SPTLC2: variants seen among roughly 807,000 people sequenced by gnomAD.
SPTLC2 encodes the protein serine palmitoyltransferase long chain base subunit 2.
SPTLC2 carries 21 observed loss-of-function variants against 62.0 expected under a neutral mutation model. The ratio of observed to expected loss-of-function variants is 0.34; its 90% CI spans 0.24 to 0.49. The LOEUF (loss-of-function observed/expected upper bound fraction) is 0.49. Among genes scored for constraint, SPTLC2 ranks in the 20% least tolerant of loss-of-function variants. The probability of loss-of-function intolerance (pLI) is 0.99; values close to 1 mark genes in which losing one functional copy is unlikely to be tolerated. For missense variants in SPTLC2, 511 were observed against 713.0 expected (o/e 0.72, Z 3.23); for synonymous variants, 261 against 261.8 (o/e 1.00, Z 0.03).
At chr14:77,540,925 T>A (rs1323203584) in intron 9 of SPTLC2, among the ~76,000 whole-genome samples, 1 of 152,232 alleles carries the variant, frequency 6.6e-6, no homozygotes, top group Non-Finnish European at 1.5e-5. Flanking sequence ...CCATATATAA[T>A]CTGTTCACAG....
chr14:77,555,540 A>G lies in SPTLC2; in HGVS notation c.957-21T>C, dbSNP rs372243399. ...CCATGCTGGCAAAACATGAAAAAAT[A>G]TATATATACACATATACACTGAGAC... On this transcript the variant is annotated intron_variant, in intron 7 of 11. Coordinates refer to ENST00000216484, the MANE Select transcript of SPTLC2 (RefSeq NM_004863.4). 4 of 1,608,608 alleles carry G rather than the reference A, an allele frequency of 2.5e-6. No homozygotes were observed. In the African/African-American group the frequency reaches 4.0e-5, roughly 16 times the overall value.
At position 77,568,757 on chromosome 14, in the gene SPTLC2, G is replaced by A. The variant is rs184568832; in HGVS notation, c.756+1627C>T. 7.6e-3 allele frequency among the ~76,000 whole-genome samples: 1,060 copies of A among 138,946 alleles called. 10 individuals are homozygous for A. The highest frequency in any genetic ancestry group is 0.027 in the African/African-American group (1,007 of 37,308). 91.2% of individuals were successfully genotyped at this position (138,946 alleles called of 152,430 possible). A position where few individuals can be genotyped will look rare whatever the true frequency, so the allele number is the denominator to read the frequency against. ...CGGGAGGCAGAGCTTGCAGTGAGCC[G>A]AAATCACACCACTGCACTCCAGCCT... On this transcript the variant is annotated intron_variant, in intron 5 of 11. Coordinates refer to ENST00000216484, the MANE Select transcript of SPTLC2 (RefSeq NM_004863.4).
chr14:77,556,453 C>T (rs761943766), intron 7 of SPTLC2, among the ~76,000 whole-genome samples: 14 of 152,162 alleles, frequency 9.2e-5, no homozygotes, highest in Non-Finnish European at 1.5e-4. Flanking sequence ...CTTTGCATCA[C>T]GTTGCACAGG....
chr14:77,616,015 G>T (rs538122836), intron 1 of SPTLC2, among the ~76,000 whole-genome samples: 1 of 152,316 alleles, frequency 6.6e-6, no homozygotes, highest in East Asian at 1.9e-4. Context: ...GCTTCTTAAG[G>T]ACCCCATGGG....
At chr14:77,529,764 A>G (rs1401091768) in intron 9 of SPTLC2, among the ~76,000 whole-genome samples, 1 of 151,606 alleles carries the variant, frequency 6.6e-6, no homozygotes, top group Non-Finnish European at 1.5e-5. Flanking sequence ...CTGGGATTAC[A>G]GATGTGCGCC....
intron 2 of SPTLC2, among the ~76,000 whole-genome samples, chr14:77,579,751 C>A (rs997659578): frequency 1.3e-5 from 2 of 152,004 alleles, no homozygotes; most frequent in African/African-American, 4.8e-5. Flanking sequence ...ACAAAAAAAA[C>A]CCTGATGTAT....
chr14:77,566,525 G>A (rs1467615365), intron 5 of SPTLC2, among the ~76,000 whole-genome samples: 1 of 152,172 alleles, frequency 6.6e-6, no homozygotes, highest in Non-Finnish European at 1.5e-5. Context: ...GAGTGCATCG[G>A]CGCAATCTCG....
At chr14:77,544,321 G>A (rs2079517300) in intron 9 of SPTLC2, among the ~76,000 whole-genome samples, 1 of 152,120 alleles carries the variant, frequency 6.6e-6, no homozygotes, top group African/African-American at 2.4e-5. Context: ...TCCAGCCTAA[G>A]GTTTTCTTTT....
At chr14:77,531,794 G>A (rs1003341294) in intron 9 of SPTLC2, among the ~76,000 whole-genome samples, 14 of 152,136 alleles carry the variant, frequency 9.2e-5, no homozygotes, top group Admixed American at 9.2e-4. Flanking sequence ...TTACAGGCGT[G>A]AGCCACTGCA....
At chr14:77,552,514 T>A (rs868185312) in intron 8 of SPTLC2, among the ~76,000 whole-genome samples, 1 of 152,052 alleles carries the variant, frequency 6.6e-6, no homozygotes, top group South Asian at 2.1e-4. Context: ...TCATTTAAAG[T>A]TAGAAATATG....
chr14:77,562,821 G>A (rs946082939), intron 5 of SPTLC2, among the ~76,000 whole-genome samples: 2 of 152,120 alleles, frequency 1.3e-5, no homozygotes, highest in African/African-American at 4.8e-5. Context: ...CTTTACGTGA[G>A]AGAATTCCAT....
In SPTLC2 at chr14:77,550,841, T is replaced by C. The variant is rs532769836; in HGVS notation, c.1303+1255A>G. Among the ~76,000 whole-genome samples, 700 of 150,570 alleles carry C rather than the reference T, an allele frequency of 4.6e-3. 7 individuals carry two copies. The highest frequency in any genetic ancestry group is 0.016 in the African/African-American group (673 of 40,960). ...ATCATGTGAACCTGGGAAGCGGAGGTTGCTGTGAGCTGAGATCGCACCACT... is the reference window on the plus strand; with the variant it reads ...ATCATGTGAACCTGGGAAGCGGAGGCTGCTGTGAGCTGAGATCGCACCACT... On this transcript the variant is annotated intron_variant, in intron 9 of 11. Transcript: ENST00000216484.
chr14:77,603,690 T>C (rs998210077), intron 1 of SPTLC2, among the ~76,000 whole-genome samples: 1 of 152,316 alleles, frequency 6.6e-6, no homozygotes, highest in South Asian at 2.1e-4. Flanking sequence ...CATTTATATT[T>C]TGACATTACC....
intron 9 of SPTLC2, among the ~76,000 whole-genome samples, chr14:77,529,197 A>G (rs2079423757): frequency 6.6e-6 from 1 of 151,194 alleles, no homozygotes; most frequent in African/African-American, 2.4e-5. Flanking sequence ...GGATTATACT[A>G]TAGAGAGAGA....
intron 2 of SPTLC2, among the ~76,000 whole-genome samples, chr14:77,589,224 G>T (rs2079801190): frequency 6.6e-6 from 1 of 151,904 alleles, no homozygotes; most frequent in East Asian, 1.9e-4. Flanking sequence ...TGTTCATATA[G>T]GTCATACCAC....
intron 5 of SPTLC2, among the ~76,000 whole-genome samples, chr14:77,564,278 GAGGAGGAAA>G (rs1243973941): frequency 7.3e-6 from 1 of 136,720 alleles, no homozygotes; most frequent in Non-Finnish European, 1.6e-5. Flanking sequence ...AGAGGAGGAA[GAGGAGGAAA>G]AGGAGGAAGA....
chr14:77,589,070 A>AT (rs2079800419), intron 2 of SPTLC2, among the ~76,000 whole-genome samples: 2 of 151,646 alleles, frequency 1.3e-5, no homozygotes, highest in African/African-American at 4.8e-5. Flanking sequence ...GGAAAGCATT[A>AT]TAAATTCTAA....
intron 10 of SPTLC2, 95 bp downstream of exon 10, chr14:77,521,351 C>A: frequency 6.6e-7 from 1 of 1,514,864 alleles, no homozygotes; most frequent in Non-Finnish European, 9.2e-7. Context: ...ACAGTAAGGA[C>A]AAGACCATTT....
intron 3 of SPTLC2, among the ~76,000 whole-genome samples, chr14:77,578,350 A>T (rs568285745): frequency 5.7e-5 from 8 of 141,010 alleles, no homozygotes; most frequent in South Asian, 2.1e-4. Flanking sequence ...TTTTTTTTTT[A>T]AAGTCAAGAC....
Sources: allele counts gnomAD v4.1 joint callset (sites outside exome capture counted in the v4.1 genomes callset), GRCh38; gene constraint gnomAD v4.1.1; transcripts MANE v1.5; gene names NCBI Gene and HGNC (gene_info 2026-07-23, HGNC 2026-07-21).